The following SRGAP2 variants were observed in gnomAD, a reference collection of about 807,000 sequenced individuals.
SRGAP2 encodes the protein SLIT-ROBO Rho GTPase-activating protein 2.
SRGAP2 carries 15 observed loss-of-function variants against 57.2 expected under a neutral mutation model. The observed-to-expected ratio is 0.26, with a 90% CI of 0.18 to 0.40. The LOEUF (loss-of-function observed/expected upper bound fraction) is 0.40. Among genes scored for constraint, SRGAP2 ranks in the 10% least tolerant of loss-of-function variants. SRGAP2 has a pLI of 1.00. For missense variants in SRGAP2, 520 were observed against 669.6 expected (o/e 0.78, Z 2.47); for synonymous variants, 249 against 248.0 (o/e 1.00, Z -0.04).
At chr1:206,447,999 T>C (rs1553374510) in intron 18 of SRGAP2, among the ~76,000 whole-genome samples, 1 of 152,208 alleles carries the variant, frequency 6.6e-6, no homozygotes, top group African/African-American at 2.4e-5. Flanking sequence ...TACCGCAGAC[T>C]GTGTGGGAGG....
At chr1:206,362,039 GTGCGTAT>G (rs1382266903) in intron 4 of SRGAP2, among the ~76,000 whole-genome samples, 3 of 151,342 alleles carry the variant, frequency 2.0e-5, no homozygotes, top group African/African-American at 7.3e-5. Context: ...AAAGTTATCA[GTGCGTAT>G]CCCCTCTTGG....
intron 2 of SRGAP2, among the ~76,000 whole-genome samples, chr1:206,286,441 T>C (rs1209720829): frequency 6.6e-6 from 1 of 151,422 alleles, no homozygotes; most frequent in Non-Finnish European, 1.5e-5. Context: ...TTGTTCCAAA[T>C]CCCATCACCC....
chr1:206,208,526 G>A (rs1317483932), intron 2 of SRGAP2, among the ~76,000 whole-genome samples: 2 of 152,116 alleles, frequency 1.3e-5, no homozygotes, highest in African/African-American at 2.4e-5. Context: ...TTTATTGAGT[G>A]CTTGCTGTGT....
chr1:206,230,720 G>T (rs1164651213), intron 2 of SRGAP2, among the ~76,000 whole-genome samples: 1 of 137,480 alleles, frequency 7.3e-6, no homozygotes, highest in South Asian at 2.3e-4. Context: ...TCCACCTCCC[G>T]GGTTCAAGCA....
chr1:206,349,506 C>T lies in SRGAP2; in HGVS notation c.423+6498C>T, dbSNP rs1439071728. 9.4e-5 allele frequency among the ~76,000 whole-genome samples: 14 copies of T among 148,974 alleles called. No homozygotes were observed. In the East Asian group the frequency reaches 2.3e-3, roughly 25 times the overall value. ...TTTTGTGATAGGCTGAGTAATGCCT[C>T]CCTCAAAAAAAAAAAAAAAAGAGGT... On this transcript the variant is annotated intron_variant, in intron 4 of 22. Coordinates refer to ENST00000573034, the MANE Select transcript of SRGAP2 (RefSeq NM_015326.5).
rs1664304821 is a variant in SRGAP2 at position 206,461,960 on chromosome 1, C to T, written c.*540C>T. The T allele has an allele frequency of 6.5e-6, 1 of 152,834 alleles. No homozygotes were observed. The highest frequency in any genetic ancestry group is 2.1e-4 in the South Asian group (1 of 4,878). The allele number at this position is 152,834 out of a possible 1,614,324, so 9.5% of individuals were successfully genotyped here. ...TTTTCTAGTCTCTGGCATGTGTAGCCTCTCCTGGTCATAGACCAGTCTCTT... is the reference window on the plus strand; with the variant it reads ...TTTTCTAGTCTCTGGCATGTGTAGCTTCTCCTGGTCATAGACCAGTCTCTT... On this transcript the variant is annotated 3_prime_UTR_variant, in exon 23 of 23. Transcript: ENST00000573034.
At chr1:206,208,821 GGTT>G (rs1666125386) in intron 2 of SRGAP2, among the ~76,000 whole-genome samples, 1 of 151,822 alleles carries the variant, frequency 6.6e-6, no homozygotes, top group African/African-American at 2.4e-5. Context: ...AGTTTGGTTT[GGTT>G]GTTAAGTGCA....
At chr1:206,277,690 C>A (rs1256493787) in intron 2 of SRGAP2, among the ~76,000 whole-genome samples, 4 of 151,932 alleles carry the variant, frequency 2.6e-5, no homozygotes, top group African/African-American at 9.7e-5. Context: ...GGCCCTCTGG[C>A]TGGGAGTGGT....
chr1:206,210,166 T>G (rs1666222655), intron 2 of SRGAP2, among the ~76,000 whole-genome samples: 1 of 149,996 alleles, frequency 6.7e-6, no homozygotes, highest in African/African-American at 2.5e-5. Flanking sequence ...TTACCAGGGT[T>G]GTGAATCTGG....
chr1:206,289,401 T>C (rs1671188006), intron 2 of SRGAP2, among the ~76,000 whole-genome samples: 1 of 149,806 alleles, frequency 6.7e-6, no homozygotes, highest in South Asian at 2.1e-4. Flanking sequence ...GCCTCCTGAG[T>C]AGCTGGGACT....
chr1:206,216,395 G>T (rs1454922243), intron 2 of SRGAP2, among the ~76,000 whole-genome samples: 16 of 151,938 alleles, frequency 1.1e-4, no homozygotes, highest in Non-Finnish European at 2.2e-4. Context: ...GTTTGTCCAG[G>T]ATTTATTCAC....
intron 2 of SRGAP2, 185 bp downstream of exon 2, chr1:206,206,222 A>T (rs1418968284): frequency 1.9e-6 from 1 of 535,272 alleles, no homozygotes; most frequent in Non-Finnish European, 3.4e-6. Context: ...GGCCATTGAC[A>T]CTGGAAAGGA....
chr1:206,388,243 C>CGG (rs1558375388), intron 5 of SRGAP2, among the ~76,000 whole-genome samples: 1 of 152,182 alleles, frequency 6.6e-6, no homozygotes, highest in African/African-American at 2.4e-5. Context: ...ATTTACATCC[C>CGG]CTTGGCTTGG....
At chr1:206,378,852 A>C (rs1655460600) in intron 4 of SRGAP2, among the ~76,000 whole-genome samples, 1 of 152,226 alleles carries the variant, frequency 6.6e-6, no homozygotes, top group African/African-American at 2.4e-5. Context: ...AACCCACCAG[A>C]AGGAACCAAC....
At chr1:206,451,794 A>G (rs1663330743) in intron 19 of SRGAP2, among the ~76,000 whole-genome samples, 1 of 152,198 alleles carries the variant, frequency 6.6e-6, no homozygotes, top group African/African-American at 2.4e-5. Flanking sequence ...AATGCAGGTC[A>G]GGGAGGTCGA....
intron 20 of SRGAP2, chr1:206,453,645 C>A: frequency 3.2e-6 from 1 of 309,508 alleles, no homozygotes; most frequent in Non-Finnish European, 5.9e-6. Context: ...AACCTGCCAG[C>A]CAGCCAGCAC....
intron 15 of SRGAP2, 162 bp from the exon 16 acceptor site, chr1:206,437,802 T>C (rs2103322004): frequency 1.6e-6 from 1 of 623,004 alleles, no homozygotes; most frequent in Non-Finnish European, 2.9e-6. Flanking sequence ...CAGTCTTTGC[T>C]TTATCTGTTC....
At chr1:206,217,460 T>C (rs1356078357) in intron 2 of SRGAP2, among the ~76,000 whole-genome samples, 13 of 152,158 alleles carry the variant, frequency 8.5e-5, no homozygotes, top group African/African-American at 3.1e-4. Context: ...ATTTTGGAGA[T>C]AACTCACCTA....
chr1:206,359,747 T>G (rs1294597725), intron 4 of SRGAP2, among the ~76,000 whole-genome samples: 1 of 141,048 alleles, frequency 7.1e-6, no homozygotes, highest in African/African-American at 2.7e-5. Context: ...ATATATCAGA[T>G]GATGATAAAA....
Sources: gnomAD v4.1 joint callset for allele counts (sites outside exome capture counted in the v4.1 genomes callset) on GRCh38, gnomAD v4.1.1 for gene constraint, MANE v1.5 for transcripts, NCBI Gene and HGNC (gene_info 2026-07-23, HGNC 2026-07-21) for gene names.